The following RARS2 variants were observed in gnomAD, a reference collection of about 807,000 sequenced individuals.
RARS2 encodes the protein probable arginine--tRNA ligase, mitochondrial.
In RARS2, 67 loss-of-function variants were observed where a neutral mutation model predicts 88.5. The observed-to-expected ratio is 0.76, with a 90% CI of 0.62 to 0.93. RARS2 has a LOEUF of 0.93. RARS2 is among the 40% of genes least tolerant of loss of function. The probability of loss-of-function intolerance (pLI) is 0.00; values close to 1 mark genes in which losing one functional copy is unlikely to be tolerated. For synonymous variants in RARS2, 239 were observed against 230.3 expected, an observed-to-expected ratio of 1.04 and a Z score of -0.34; for missense variants, 664 against 684.2, an observed-to-expected ratio of 0.97 and a Z score of 0.33.
intron 11 of RARS2, among the ~76,000 whole-genome samples, chr6:87,522,996 A>G (rs1774438464): frequency 6.6e-6 from 1 of 152,198 alleles, no homozygotes; most frequent in African/African-American, 2.4e-5. Context: ...ATAAAATTTC[A>G]TGAGGATTGG....
chr6:87,525,766 C>G (rs1243801985), intron 10 of RARS2, among the ~76,000 whole-genome samples: 1 of 152,012 alleles, frequency 6.6e-6, no homozygotes. Context: ...AGGCTGGTCT[C>G]GAACTCCTGA....
intron 3 of RARS2, 146 bp downstream of exon 3, chr6:87,563,984 G>T: frequency 1.4e-6 from 1 of 694,220 alleles, no homozygotes. Context: ...TATAGTACAT[G>T]GCTAAAATGA....
intron 8 of RARS2, among the ~76,000 whole-genome samples, chr6:87,531,204 A>C (rs1218580176): frequency 6.6e-6 from 1 of 152,220 alleles, no homozygotes; most frequent in Non-Finnish European, 1.5e-5. Context: ...CCAAATAGCC[A>C]AAAATTAATT....
At chr6:87,547,962 C>T (rs1783096115) in intron 6 of RARS2, among the ~76,000 whole-genome samples, 1 of 152,106 alleles carries the variant, frequency 6.6e-6, no homozygotes, top group African/African-American at 2.4e-5. Flanking sequence ...GTTTTAACTT[C>T]CAGTCTTGAA....
Position 87,589,953 on chromosome 6 carries a change from G to T in RARS2, c.5C>A (p.Ala2Glu). The change falls in exon 1 of 20, where the codon GCG becomes GAG. Residue 2 changes from alanine to glutamate, a missense_variant. Physicochemically the swap from Ala to Glu is moderately radical, Grantham distance 107 (BLOSUM62 -1). Coordinates refer to ENST00000369536, the MANE Select transcript of RARS2 (RefSeq NM_020320.5). ...AGCAATAGCGCGGCGAAAGCCGCAC[G>T]CCATGTCCACCTCTACGGAAGTGCG... M[A>E]CGFRRAIACQ... The T allele has an allele frequency of 6.2e-7, 1 of 1,614,218 alleles. No individual in the cohort carries two copies. Among genetic ancestry groups the T allele is most frequent in the East Asian group, 2.2e-5 (1 of 44,880 alleles).
intron 1 of RARS2, among the ~76,000 whole-genome samples, chr6:87,584,108 C>T (rs529950850): frequency 1.2e-4 from 18 of 152,306 alleles, no homozygotes; most frequent in African/African-American, 4.1e-4. Context: ...AAAGGGCAGG[C>T]ATGCTTACTG....
rs863224179 is a variant in RARS2 at position 87,530,798 on chromosome 6, T to C, written c.757A>G (p.Ile253Val). 1.2e-6 allele frequency: 2 copies of C among 1,614,204 alleles called. No individual in the cohort carries two copies. Among genetic ancestry groups the C allele is most frequent in the South Asian group, 1.1e-5 (1 of 91,084 alleles). Residue 253 changes from isoleucine (I) to valine (V), a missense_variant, in exon 9 of 20, where the codon ATT (isoleucine) becomes GTT (valine). Coordinates refer to ENST00000369536, the MANE Select transcript of RARS2 (RefSeq NM_020320.5). ...KFRDLSIEEY[I>V]RVYKRLGVYF... ...TCAACCAATACCTTGTAAACCCGAATGTACTCTTCAATGCTCAAGTCCCGA... is the reference window on the plus strand; with the variant it reads ...TCAACCAATACCTTGTAAACCCGAACGTACTCTTCAATGCTCAAGTCCCGA...
At chr6:87,571,776 A>T (rs1031836571) in intron 1 of RARS2, among the ~76,000 whole-genome samples, 1 of 152,230 alleles carries the variant, frequency 6.6e-6, no homozygotes, top group Admixed American at 6.5e-5. Flanking sequence ...TTTCACAAAC[A>T]TATTAACCGT....
chr6:87,575,252 CA>C (rs1771071408), intron 1 of RARS2, among the ~76,000 whole-genome samples: 1 of 150,202 alleles, frequency 6.7e-6, no homozygotes, highest in Admixed American at 6.6e-5. Flanking sequence ...CACACACACA[CA>C]CACACACACA....
Position 87,530,848 on chromosome 6 carries a change from T to C in RARS2, c.707A>G (p.Gln236Arg). The C allele has an allele frequency of 6.2e-7, 1 of 1,614,214 alleles. No individual in the cohort carries two copies. The highest frequency in any genetic ancestry group is 8.5e-7 in the Non-Finnish European group (1 of 1,180,022). The change falls in exon 9 of 20, where the codon CAA becomes CGA. Residue 236 changes from glutamine (Q) to arginine (R), a missense_variant. Transcript: ENST00000369536. Reference sequence around the variant, plus strand: ...AAATTTTTGCCACAGTGAAAGTGCTTGCACATCGCCCAGTTCCAATCGTTG... The same window carrying C: ...AAATTTTTGCCACAGTGAAAGTGCTCGCACATCGCCCAGTTCCAATCGTTG... Reference protein sequence around the residue: ...FFQRLELGDVQALSLWQKFRD... With the variant: ...FFQRLELGDVRALSLWQKFRD...
rs139833155 is a variant in RARS2 at position 87,564,427 on chromosome 6, A to C, written c.111-195T>G. The C allele has an allele frequency of 1.9e-3, 1,059 of 561,532 alleles. 3 individuals carry two copies. The highest frequency in any genetic ancestry group is 0.018 in the African/African-American group (976 of 53,170). 34.8% of individuals were successfully genotyped at this position (561,532 alleles called of 1,614,324 possible). The stretch of plus-strand genomic sequence containing the variant: ...GTAATCCCAGCACTTTGGGAGGCTA[A>C]GGCAGGCGGATCACCTGAGGTTGAG... On this transcript the variant is annotated intron_variant, in intron 2 of 19. Coordinates refer to ENST00000369536, the MANE Select transcript of RARS2 (RefSeq NM_020320.5).
At chr6:87,579,858 C>A (rs1214724079) in intron 1 of RARS2, among the ~76,000 whole-genome samples, 1 of 151,024 alleles carries the variant, frequency 6.6e-6, no homozygotes, top group African/African-American at 2.4e-5. Context: ...TCCCGAGTAC[C>A]TGGGACTACA....
intron 13 of RARS2, 48 bp downstream of exon 13, chr6:87,520,132 A>T (rs375370630): frequency 1.4e-5 from 21 of 1,482,196 alleles, no homozygotes; most frequent in African/African-American, 4.2e-5. Context: ...GTACATTTTC[A>T]GGCTCAGCTG....
Position 87,519,584 on chromosome 6 carries a change from C to T in RARS2, c.1236G>A (p.Lys412=), listed in dbSNP as rs200547165. Residue 412 remains lysine, a splice_region_variant and synonymous_variant, in exon 14 of 20, where the codon AAG becomes AAA. Coordinates refer to ENST00000369536, the MANE Select transcript of RARS2 (RefSeq NM_020320.5). ...TTAATAAGAAAAAACTGAATTCACT[C>T]TTAATTGAAGCCATGTTCTGTAGCA... is the stretch of plus-strand genomic sequence containing the variant. The part of the protein sequence containing the change: ...LRMLQNMASI[K]TTKELKNPQE... The T allele has an allele frequency of 6.2e-7, 1 of 1,611,736 alleles. No individual in the cohort carries two copies. The highest frequency in any genetic ancestry group is 1.3e-5 in the African/African-American group (1 of 74,870).
intron 2 of RARS2, among the ~76,000 whole-genome samples, chr6:87,565,562 T>A (rs1461843983): frequency 6.6e-6 from 1 of 152,226 alleles, no homozygotes; most frequent in African/African-American, 2.4e-5. Context: ...AAGCTCTCCC[T>A]TTCCCTACAA....
intron 11 of RARS2, among the ~76,000 whole-genome samples, chr6:87,523,083 C>A (rs1487159831): frequency 6.6e-6 from 1 of 151,942 alleles, no homozygotes; most frequent in Non-Finnish European, 1.5e-5. Flanking sequence ...AGTTGTAGAG[C>A]AGATTATCAC....
intron 5 of RARS2, among the ~76,000 whole-genome samples, chr6:87,555,085 T>C (rs915816815): frequency 1.4e-5 from 2 of 147,474 alleles, no homozygotes; most frequent in Non-Finnish European, 3.0e-5. Flanking sequence ...GGCGACAGAG[T>C]GAGACTCCGT....
intron 10 of RARS2, among the ~76,000 whole-genome samples, chr6:87,527,663 G>A (rs565599266): frequency 6.6e-6 from 1 of 152,190 alleles, no homozygotes; most frequent in South Asian, 2.1e-4. Context: ...TATCTGGTAA[G>A]GGGTTAATGT....
chr6:87,527,127 G>A (rs1373096001), intron 10 of RARS2, among the ~76,000 whole-genome samples: 3 of 151,928 alleles, frequency 2.0e-5, no homozygotes, highest in East Asian at 2.0e-4. Flanking sequence ...TGGCCAACAC[G>A]GTGAAACCCC....
Sources: allele counts gnomAD v4.1 joint callset (sites outside exome capture counted in the v4.1 genomes callset), GRCh38; gene constraint gnomAD v4.1.1; transcripts MANE v1.5; gene names NCBI Gene and HGNC (gene_info 2026-07-23, HGNC 2026-07-21).